The following PRKG2 variants were observed in gnomAD, a reference collection of about 807,000 sequenced individuals.
PRKG2 encodes protein kinase cGMP-dependent 2, also known as cGMP-dependent protein kinase 2.
PRKG2 carries 33 observed loss-of-function variants against 97.2 expected under a neutral mutation model. That is an observed-to-expected ratio of 0.34 (90% CI 0.26 to 0.45). PRKG2 has a LOEUF of 0.45. PRKG2 is among the 20% of genes least tolerant of loss of function. The pLI is 1.00. For synonymous variants in PRKG2, 330 were observed against 321.8 expected (o/e 1.03, Z -0.27); for missense variants, 638 against 900.0 (o/e 0.71, Z 3.73).
At chr4:81,092,248 CTTAAA>C (rs1741611178) in intron 18 of PRKG2, 133 bp downstream of exon 18, 2 of 517,930 alleles carry the variant, frequency 3.9e-6, no homozygotes, top group Admixed American at 3.8e-5. Flanking sequence ...GACAAACTCA[CTTAAA>C]TTAAAATAAA....
At chr4:81,196,378 G>T (rs889095165) in intron 2 of PRKG2, among the ~76,000 whole-genome samples, 29 of 152,306 alleles carry the variant, frequency 1.9e-4, no homozygotes, top group African/African-American at 6.7e-4. Flanking sequence ...AATATGTGTT[G>T]TTTAAGCTAC....
intron 11 of PRKG2, among the ~76,000 whole-genome samples, chr4:81,140,905 T>C (rs1291296093): frequency 6.6e-6 from 1 of 152,192 alleles, no homozygotes; most frequent in African/African-American, 2.4e-5. Flanking sequence ...AAAATTCTGT[T>C]AGACTTAATA....
At chr4:81,109,380 T>C (rs1743680831) in intron 15 of PRKG2, among the ~76,000 whole-genome samples, 1 of 152,204 alleles carries the variant, frequency 6.6e-6, no homozygotes, top group South Asian at 2.1e-4. Flanking sequence ...TCTCTGAAAT[T>C]AAGACTGAGA....
chr4:81,159,832 C>A (rs1457238065), intron 6 of PRKG2, among the ~76,000 whole-genome samples: 1 of 151,584 alleles, frequency 6.6e-6, no homozygotes, highest in Non-Finnish European at 1.5e-5. Context: ...AATTGGAAAT[C>A]ATCATTCTCA....
intron 2 of PRKG2, among the ~76,000 whole-genome samples, chr4:81,184,993 T>TA (rs59166247): frequency 0.23 from 34,442 of 151,790 alleles, 7,726 homozygotes; most frequent in African/African-American, 0.57. Context: ...AGACCAAACT[T>TA]ACATTTGAGT....
At chr4:81,153,184 A>G (rs1334828289) in intron 7 of PRKG2, among the ~76,000 whole-genome samples, 1 of 152,232 alleles carries the variant, frequency 6.6e-6, no homozygotes, top group African/African-American at 2.4e-5. Flanking sequence ...TTTTGTATCA[A>G]TTGAAATTCT....
At chr4:81,100,318 A>T (rs1337048928) in intron 17 of PRKG2, among the ~76,000 whole-genome samples, 1 of 152,188 alleles carries the variant, frequency 6.6e-6, no homozygotes, top group Non-Finnish European at 1.5e-5. Context: ...AAACTATACT[A>T]CAAGGCTACA....
chr4:81,179,306 G>A (rs115953118), intron 2 of PRKG2, among the ~76,000 whole-genome samples: 2,595 of 151,904 alleles, frequency 0.017, 83 homozygotes, highest in African/African-American at 0.059. Context: ...CTAAAAAGCA[G>A]CTAGAAAAAA....
At chr4:81,145,216 T>C (rs1747739715) in intron 9 of PRKG2, among the ~76,000 whole-genome samples, 1 of 152,106 alleles carries the variant, frequency 6.6e-6, no homozygotes, top group African/African-American at 2.4e-5. Context: ...TAGTTTACAG[T>C]CCCACCAACG....
intron 6 of PRKG2, among the ~76,000 whole-genome samples, chr4:81,165,553 T>C (rs1294381095): frequency 6.7e-6 from 1 of 149,532 alleles, no homozygotes; most frequent in Non-Finnish European, 1.5e-5. Context: ...TAGCGCTAAA[T>C]AGATCCCATT....
chr4:81,137,330 C>T, intron 13 of PRKG2, 63 bp downstream of exon 13: 4 of 1,206,244 alleles, frequency 3.3e-6, no homozygotes, highest in Non-Finnish European at 3.6e-6. Context: ...TCCTCTATGC[C>T]TTTTTTAATG....
chr4:81,213,170 C>A (rs764843846), intron 1 of PRKG2, among the ~76,000 whole-genome samples: 3 of 152,028 alleles, frequency 2.0e-5, no homozygotes, highest in Non-Finnish European at 2.9e-5. Flanking sequence ...CATCATGATG[C>A]AAATGTCTAG....
intron 2 of PRKG2, among the ~76,000 whole-genome samples, chr4:81,189,603 G>A (rs1406014958): frequency 2.7e-5 from 4 of 149,840 alleles, no homozygotes; most frequent in Admixed American, 6.6e-5. Context: ...ACACTCTGGG[G>A]ACTGTTGTGG....
intron 2 of PRKG2, among the ~76,000 whole-genome samples, chr4:81,187,551 T>C (rs1751995250): frequency 6.6e-6 from 1 of 152,140 alleles, no homozygotes. Flanking sequence ...CTTTAAAATC[T>C]GGTACAAGTC....
At chr4:81,207,087 A>T (rs1396671582) in intron 1 of PRKG2, among the ~76,000 whole-genome samples, 1 of 152,204 alleles carries the variant, frequency 6.6e-6, no homozygotes, top group Non-Finnish European at 1.5e-5. Flanking sequence ...GGATGAAGAG[A>T]CTAGAATTCA....
In PRKG2 at chr4:81,204,510, G is replaced by C. The variant is rs1753520282; in HGVS notation, c.461+77C>G. The C allele has an allele frequency of 3.6e-6, 5 of 1,390,020 alleles. No homozygotes were observed. The South Asian group carries it at 5.5e-5, about 15-fold the overall frequency. 86.1% of individuals were successfully genotyped at this position (1,390,020 alleles called of 1,614,324 possible). On this transcript the variant is annotated intron_variant, in intron 2 of 18. Transcript: ENST00000264399. ...GGGTCAATATGTTCTTTATCATTAAGGAGGCTTAATAAATGTCACTCTCAT... is the reference window on the plus strand; with the variant it reads ...GGGTCAATATGTTCTTTATCATTAACGAGGCTTAATAAATGTCACTCTCAT...
intron 6 of PRKG2, among the ~76,000 whole-genome samples, chr4:81,154,950 A>G (rs1472562825): frequency 1.3e-5 from 2 of 152,046 alleles, no homozygotes; most frequent in African/African-American, 2.4e-5. Context: ...CGAGGCGGGC[A>G]GATCACGAGG....
At chr4:81,208,092 G>A (rs983640873) in intron 1 of PRKG2, among the ~76,000 whole-genome samples, 1 of 152,164 alleles carries the variant, frequency 6.6e-6, no homozygotes, top group Non-Finnish European at 1.5e-5. Flanking sequence ...AATTTAACAT[G>A]AGCAATAGAG....
At chr4:81,173,921 C>G (rs1425658518) in intron 3 of PRKG2, 3 of 152,008 alleles carry the variant, frequency 2.0e-5, no homozygotes, top group Non-Finnish European at 2.9e-5. Context: ...CCATTCATCA[C>G]TCCTTCTGGG....
Sources: allele counts gnomAD v4.1 joint callset (sites outside exome capture counted in the v4.1 genomes callset), GRCh38; gene constraint gnomAD v4.1.1; transcripts MANE v1.5; gene names NCBI Gene and HGNC (gene_info 2026-07-23, HGNC 2026-07-21).